Variants in COLGALT2 observed in about 807,000 individuals in gnomAD.
The protein encoded by COLGALT2 is collagen beta(1-O)galactosyltransferase 2, also known as procollagen galactosyltransferase 2.
In COLGALT2, 49 loss-of-function variants were observed where a neutral mutation model predicts 73.4. The observed-to-expected ratio is 0.67, with a 90% CI of 0.53 to 0.85. The LOEUF is 0.85. Ranked by LOEUF, COLGALT2 falls within the 40% of genes least tolerant of loss-of-function variation. The pLI is 0.00. For synonymous variants in COLGALT2, 295 were observed against 307.6 expected (o/e 0.96, Z 0.43); for missense variants, 722 against 790.2 (o/e 0.91, Z 1.03).
chr1:183,945,829 T>G (rs569640504), intron 8 of COLGALT2: 17 of 485,388 alleles, frequency 3.5e-5, no homozygotes, highest in Admixed American at 3.0e-4. Flanking sequence ...TTGACAAGAT[T>G]TAATAAGTAC....
chr1:183,937,291 T>C lies in COLGALT2; in HGVS notation c.*1470A>G. The stretch of plus-strand genomic sequence containing the variant: ...TATGGGATGCCTGGGAGGGTTTTTC[T>C]GGAGACAAAAATTTACAGATTGAGG... On this transcript the variant is annotated 3_prime_UTR_variant, in exon 12 of 12. Coordinates refer to ENST00000361927, the MANE Select transcript of COLGALT2 (RefSeq NM_015101.4). 1 of 1,112,382 alleles carries C rather than the reference T, an allele frequency of 9.0e-7. No individual in the cohort carries two copies. Among genetic ancestry groups the C allele is most frequent in the Non-Finnish European group, 1.1e-6 (1 of 912,594 alleles). 68.9% of individuals were successfully genotyped at this position (1,112,382 alleles called of 1,614,324 possible).
intron 1 of COLGALT2, among the ~76,000 whole-genome samples, chr1:184,006,323 G>C (rs1422843083): frequency 1.3e-5 from 2 of 152,156 alleles, no homozygotes; most frequent in South Asian, 4.1e-4. Context: ...GGTGGCTCAG[G>C]CCTGTAATCC....
chr1:183,994,753 C>T (rs1671728277), intron 1 of COLGALT2, among the ~76,000 whole-genome samples: 1 of 152,144 alleles, frequency 6.6e-6, no homozygotes, highest in African/African-American at 2.4e-5. Flanking sequence ...TGCGCCTGGC[C>T]TTAACCTGCA....
chr1:183,965,273 T>C (rs12132935), intron 5 of COLGALT2, among the ~76,000 whole-genome samples: 15,079 of 152,212 alleles, frequency 0.099, 1,168 homozygotes, highest in African/African-American at 0.21. Context: ...TAAAGTTGCA[T>C]CTCTACCCTA....
At position 183,937,507 on chromosome 1, in the gene COLGALT2, T is replaced by C. The variant is rs1214796459; in HGVS notation, c.*1254A>G. The C allele has an allele frequency of 1.0e-6, 1 of 985,376 alleles. No homozygotes were observed. The highest frequency in any genetic ancestry group is 6.1e-5 in the Admixed American group (1 of 16,272). The allele number at this position is 985,376 out of a possible 1,614,324, so 61.0% of individuals were successfully genotyped here. ...CTGGGATTCTAAGAGCTTCCCTGGT[T>C]GCTGGCCTAAATCAGGTGACCAGCC... On this transcript the variant is annotated 3_prime_UTR_variant, in exon 12 of 12. Coordinates refer to ENST00000361927, the MANE Select transcript of COLGALT2 (RefSeq NM_015101.4).
intron 1 of COLGALT2, among the ~76,000 whole-genome samples, chr1:183,983,248 TC>T (rs1420860328): frequency 6.6e-6 from 1 of 152,088 alleles, no homozygotes; most frequent in East Asian, 1.9e-4. Context: ...GGCCAATCTC[TC>T]CTACACTCAT....
chr1:183,930,226 T>C (rs1669811393), exon 12 of COLGALT2: 1 of 456,054 alleles, frequency 2.2e-6, no homozygotes, highest in Non-Finnish European at 4.4e-6. Context: ...TGCACGGGTT[T>C]GTTCACCGTT....
In COLGALT2 at chr1:183,936,373, T is replaced by C. The variant is rs1669954286; in HGVS notation, c.*2388A>G. 1 of 985,960 alleles carries C rather than the reference T, an allele frequency of 1.0e-6. No homozygotes were observed. Among genetic ancestry groups the C allele is most frequent in the Non-Finnish European group, 1.2e-6 (1 of 830,016 alleles). The allele number at this position is 985,960 out of a possible 1,614,324, so 61.1% of individuals were successfully genotyped here. On this transcript the variant is annotated 3_prime_UTR_variant, in exon 12 of 12. Coordinates refer to ENST00000361927, the MANE Select transcript of COLGALT2 (RefSeq NM_015101.4). ...CAGAAAAGAACACTGCTTGGGATTC[T>C]AGACCTGAGCAGGGAGAAACAAACC...
At chr1:183,947,307 G>A (rs1342723254) in intron 8 of COLGALT2, among the ~76,000 whole-genome samples, 1 of 152,136 alleles carries the variant, frequency 6.6e-6, no homozygotes, top group Non-Finnish European at 1.5e-5. Context: ...TTTCAAGTGT[G>A]CATAGAACAT....
At position 183,969,259 on chromosome 1, in the gene COLGALT2, C is replaced by A. The variant is rs763735024; in HGVS notation, c.832+10G>T. Reference sequence around the variant, plus strand: ...TCCATTGTGGCACTACAACCAAAGACAAACAGTACCTGCTTGCCTGCTGGA... The same window carrying A: ...TCCATTGTGGCACTACAACCAAAGAAAAACAGTACCTGCTTGCCTGCTGGA... On this transcript the variant is annotated intron_variant, in intron 5 of 11. Transcript: ENST00000361927. 6.2e-7 allele frequency: 1 copy of A among 1,601,508 alleles called. No individual in the cohort carries two copies. Among genetic ancestry groups the A allele is most frequent in the East Asian group, 2.3e-5 (1 of 44,210 alleles).
At chr1:183,999,297 C>T (rs1408450589) in intron 1 of COLGALT2, among the ~76,000 whole-genome samples, 2 of 152,088 alleles carry the variant, frequency 1.3e-5, no homozygotes, top group Non-Finnish European at 2.9e-5. Flanking sequence ...GCTAACTTTC[C>T]ATTCCTGGTG....
rs1670015629 is a variant in COLGALT2 at position 183,938,307 on chromosome 1, C to T, written c.*454G>A. On this transcript the variant is annotated 3_prime_UTR_variant, in exon 12 of 12. Transcript: ENST00000361927. ...TGATTCCTGTCCCCCAAAAGTTGCA[C>T]ACACAAGTTTTCAATGTCATATAAA... 1 of 989,312 alleles carries T rather than the reference C, an allele frequency of 1.0e-6. No homozygotes were observed. The highest frequency in any genetic ancestry group is 1.2e-6 in the Non-Finnish European group (1 of 832,412). The allele number at this position is 989,312 out of a possible 1,614,324, so 61.3% of individuals were successfully genotyped here. A position where few individuals can be genotyped will look rare whatever the true frequency, so the allele number is the denominator to read the frequency against.
chr1:183,994,997 C>G (rs572823641), intron 1 of COLGALT2, among the ~76,000 whole-genome samples: 1 of 152,184 alleles, frequency 6.6e-6, no homozygotes, highest in East Asian at 1.9e-4. Context: ...GCTATTTAAT[C>G]CTGGCTAAAT....
chr1:184,015,908 C>G (rs185887553), intron 1 of COLGALT2, among the ~76,000 whole-genome samples: 1 of 152,212 alleles, frequency 6.6e-6, no homozygotes, highest in Admixed American at 6.5e-5. Flanking sequence ...ATTAGATATT[C>G]TAATTCACTG....
At chr1:183,991,594 A>C (rs1671629596) in intron 1 of COLGALT2, among the ~76,000 whole-genome samples, 1 of 152,172 alleles carries the variant, frequency 6.6e-6, no homozygotes, top group Non-Finnish European at 1.5e-5. Context: ...CCATTTCAGG[A>C]GGGAGAGACA....
chr1:183,973,892 A>G, intron 3 of COLGALT2, 142 bp from the exon 4 acceptor site: 1 of 732,822 alleles, frequency 1.4e-6, no homozygotes, highest in Non-Finnish European at 2.2e-6. Flanking sequence ...ATTGAAACCC[A>G]TTGCAGCTAG....
intron 3 of COLGALT2, among the ~76,000 whole-genome samples, chr1:183,974,103 G>A (rs1204992588): frequency 1.3e-5 from 2 of 152,208 alleles, no homozygotes; most frequent in African/African-American, 4.8e-5. Flanking sequence ...CTTATTGGCT[G>A]CCCAGTCTAG....
At chr1:183,942,163 T>C (rs759103613) in intron 10 of COLGALT2, among the ~76,000 whole-genome samples, 1 of 152,158 alleles carries the variant, frequency 6.6e-6, no homozygotes, top group Admixed American at 6.5e-5. Context: ...TTAGCCAGGA[T>C]GGTCTCGATC....
At chr1:183,999,997 A>T (rs1364111253) in intron 1 of COLGALT2, among the ~76,000 whole-genome samples, 1 of 152,058 alleles carries the variant, frequency 6.6e-6, no homozygotes, top group Non-Finnish European at 1.5e-5. Flanking sequence ...CAAATGTCTT[A>T]AGTTCACCTC....
Sources: gnomAD v4.1 joint callset for allele counts (sites outside exome capture counted in the v4.1 genomes callset) on GRCh38, gnomAD v4.1.1 for gene constraint, MANE v1.5 for transcripts, NCBI Gene and HGNC (gene_info 2026-07-23, HGNC 2026-07-21) for gene names.